CACNA1E: variants seen among roughly 807,000 people sequenced by gnomAD.
CACNA1E encodes voltage-dependent R-type calcium channel subunit alpha-1E.
In CACNA1E, 40 loss-of-function variants were observed where a neutral mutation model predicts 259.2. The observed-to-expected ratio is 0.15, with a 90% confidence interval of 0.12 to 0.20. The LOEUF (loss-of-function observed/expected upper bound fraction) is 0.20, where lower values mean the gene tolerates loss of function less well. Ranked by LOEUF, CACNA1E falls within the 10% of genes least tolerant of loss-of-function variation. The pLI, the probability that CACNA1E is intolerant of heterozygous loss-of-function variation, is 1.00. For synonymous variants in CACNA1E, 1,104 were observed against 1,138.5 expected (o/e 0.97, Z 0.61); for missense variants, 1,874 against 3,040.1 (o/e 0.62, Z 9.02).
At chr1:181,438,361 A>G (rs937503682) in intron 2 of CACNA1E, among the ~76,000 whole-genome samples, 2 of 152,202 alleles carry the variant, frequency 1.3e-5, no homozygotes, top group Non-Finnish European at 2.9e-5. Context: ...AGAGAAGTTG[A>G]CTTCCTGGTT....
chr1:181,594,138 T>G (rs1652933248), intron 6 of CACNA1E, among the ~76,000 whole-genome samples: 1 of 151,906 alleles, frequency 6.6e-6, no homozygotes, highest in South Asian at 2.1e-4. Context: ...AAATCTATGC[T>G]GATATATATT....
chr1:181,660,487 G>A lies in CACNA1E; in HGVS notation c.1055+9046G>A, dbSNP rs1647544737. 2.6e-5 allele frequency among the ~76,000 whole-genome samples: 4 copies of A among 152,210 alleles called. No individual in the cohort carries two copies. The South Asian group carries it at 8.3e-4, about 32-fold the overall frequency. On this transcript the variant is annotated intron_variant, in intron 7 of 47. Coordinates refer to ENST00000367573, the MANE Select transcript of CACNA1E (RefSeq NM_001205293.3). ...TCATATATGCAGGTCACTAATGTTG[G>A]GTTCCTACTATCTTGCAAGGCATTG...
chr1:181,406,804 G>A (rs946523225), intron 1 of CACNA1E, among the ~76,000 whole-genome samples: 2 of 152,076 alleles, frequency 1.3e-5, no homozygotes, highest in South Asian at 2.1e-4. Flanking sequence ...GCTTCAGAGC[G>A]TAGGCTCCTA....
chr1:181,356,306 C>T (rs1653429037), intron 1 of CACNA1E, among the ~76,000 whole-genome samples: 1 of 152,062 alleles, frequency 6.6e-6, no homozygotes, highest in Non-Finnish European at 1.5e-5. Flanking sequence ...AGGACTCTCT[C>T]CAGCCACTGT....
intron 1 of CACNA1E, among the ~76,000 whole-genome samples, chr1:181,489,836 C>T (rs78851600): frequency 6.6e-6 from 1 of 152,326 alleles, no homozygotes; most frequent in Non-Finnish European, 1.5e-5. Context: ...TCCGCCACCA[C>T]TACCACCACC....
At chr1:181,394,739 C>T (rs927188914) in intron 1 of CACNA1E, among the ~76,000 whole-genome samples, 6 of 152,090 alleles carry the variant, frequency 3.9e-5, no homozygotes, top group African/African-American at 7.2e-5. Context: ...AAGAAGATGA[C>T]GGACTTAGCC....
chr1:181,542,649 T>C (rs1315100823), intron 3 of CACNA1E, among the ~76,000 whole-genome samples: 1 of 152,080 alleles, frequency 6.6e-6, no homozygotes. Flanking sequence ...CCCTTTGCCA[T>C]GATTCTAAGT....
intron 1 of CACNA1E, among the ~76,000 whole-genome samples, chr1:181,344,621 C>T (rs1456124718): frequency 2.6e-5 from 4 of 152,130 alleles, no homozygotes; most frequent in East Asian, 1.9e-4. Context: ...GCTCTTTGCC[C>T]TAGGGACACA....
Position 181,758,213 on chromosome 1 carries a change from C to T in CACNA1E, c.4494+102C>T, listed in dbSNP as rs1572817851. 9.6e-7 allele frequency: 1 copy of T among 1,043,382 alleles called. No individual in the cohort carries two copies. The highest frequency in any genetic ancestry group is 2.4e-5 in the East Asian group (1 of 41,174). The allele number at this position is 1,043,382 out of a possible 1,614,324, so 64.6% of individuals were successfully genotyped here. A position where few individuals can be genotyped will look rare whatever the true frequency, so the allele number is the denominator to read the frequency against. The stretch of plus-strand genomic sequence containing the variant: ...ACATCCCAGCCCATCACTGCTTTAC[C>T]TACTTTTCCATCATTGAATCCTTTT... On this transcript the variant is annotated intron_variant, in intron 31 of 47. Coordinates refer to ENST00000367573, the MANE Select transcript of CACNA1E (RefSeq NM_001205293.3). This position sits in a 1 kb window ranked among gnomAD's most constrained non-coding sequence, Gnocchi z 4.2.
intron 1 of CACNA1E, among the ~76,000 whole-genome samples, chr1:181,394,605 T>G (rs777716748): frequency 5.3e-5 from 8 of 151,700 alleles, no homozygotes; most frequent in Admixed American, 4.6e-4. Flanking sequence ...ATAAGTGCTA[T>G]GGGGGAAAAG....
intron 7 of CACNA1E, among the ~76,000 whole-genome samples, chr1:181,671,306 G>A (rs943835983): frequency 6.6e-6 from 1 of 152,304 alleles, no homozygotes; most frequent in Non-Finnish European, 1.5e-5. Context: ...GATTACAGGC[G>A]TGATCTACTG....
In CACNA1E at chr1:181,785,668, G is replaced by A. The variant is rs138147850; in HGVS notation, c.5680-45G>A. ...TTTTATTTTCCCCACAGCAAACTCCGTAGTCATTGGAATTCTTTCCTTCTT... is the reference window on the plus strand; with the variant it reads ...TTTTATTTTCCCCACAGCAAACTCCATAGTCATTGGAATTCTTTCCTTCTT... On this transcript the variant is annotated intron_variant, in intron 42 of 47. Transcript: ENST00000367573. 1.7e-4 allele frequency: 220 copies of A among 1,293,816 alleles called. 1 individual carries two copies. The highest frequency in any genetic ancestry group is 1.8e-4 in the Non-Finnish European group (160 of 889,004). 80.1% of individuals were successfully genotyped at this position (1,293,816 alleles called of 1,614,324 possible). A position where few individuals can be genotyped will look rare whatever the true frequency, so the allele number is the denominator to read the frequency against.
At chr1:181,783,382 T>C (rs946490373) in intron 39 of CACNA1E, among the ~76,000 whole-genome samples, 4 of 152,116 alleles carry the variant, frequency 2.6e-5, no homozygotes, top group African/African-American at 9.7e-5. Flanking sequence ...AAAGACATTC[T>C]TAGGACTCCA....
At chr1:181,394,017 C>T (rs934322729) in intron 1 of CACNA1E, among the ~76,000 whole-genome samples, 2 of 152,130 alleles carry the variant, frequency 1.3e-5, no homozygotes, top group African/African-American at 2.4e-5. Context: ...CTCCTAGTCT[C>T]TAGACAGGGC....
rs1648243920 is a variant in CACNA1E, at chr1:181,552,202, T to A, written c.513-25564T>A. The stretch of plus-strand genomic sequence containing the variant: ...GGGTGACACCCATGTTTGTGAACAG[T>A]CTGAGATGATTTTGTAGCCCCCTCC... On this transcript the variant is annotated intron_variant, in intron 3 of 47. Coordinates refer to ENST00000367573, the MANE Select transcript of CACNA1E (RefSeq NM_001205293.3). Among the ~76,000 whole-genome samples the A allele has an allele frequency of 1.3e-5, 2 of 152,212 alleles. 1 individual carries two copies. Among genetic ancestry groups the A allele is most frequent in the Admixed American group, 1.3e-4 (2 of 15,282 alleles).
intron 3 of CACNA1E, among the ~76,000 whole-genome samples, chr1:181,550,771 C>T (rs540215618): frequency 6.6e-5 from 10 of 151,748 alleles, no homozygotes; most frequent in East Asian, 1.9e-4. Context: ...ATGATTGTTC[C>T]GTGTCTCAGA....
chr1:181,401,796 G>A (rs1263961278), intron 1 of CACNA1E, among the ~76,000 whole-genome samples: 1 of 152,206 alleles, frequency 6.6e-6, no homozygotes, highest in Non-Finnish European at 1.5e-5. Flanking sequence ...CCTGCACTTT[G>A]AAGCATTGGA....
intron 6 of CACNA1E, among the ~76,000 whole-genome samples, chr1:181,599,244 C>T (rs1653506773): frequency 6.6e-6 from 1 of 152,168 alleles, no homozygotes; most frequent in Admixed American, 6.5e-5. Context: ...TGTTAGTTTG[C>T]TAAGGATAAC....
chr1:181,520,324 AC>A (rs1666900116), intron 3 of CACNA1E, among the ~76,000 whole-genome samples: 1 of 151,580 alleles, frequency 6.6e-6, no homozygotes, highest in African/African-American at 2.4e-5. Flanking sequence ...CACAGCCTCC[AC>A]TGCCAAAGTG....
Sources: gnomAD v4.1 joint callset for allele counts (sites outside exome capture counted in the v4.1 genomes callset) on GRCh38, gnomAD v4.1.1 for gene constraint, Gnocchi (gnomAD v3.1) non-coding constraint, MANE v1.5 for transcripts, NCBI Gene and HGNC (gene_info 2026-07-23, HGNC 2026-07-21) for gene names.